The following SLC4A10 variants were observed in gnomAD, a reference collection of about 807,000 sequenced individuals.
SLC4A10 encodes sodium-driven chloride bicarbonate exchanger.
Under a neutral mutation model 137.7 loss-of-function variants are expected in SLC4A10, and 42 were observed. The ratio of observed to expected loss-of-function variants is 0.30; its 90% CI spans 0.24 to 0.39. SLC4A10 has a LOEUF of 0.39. SLC4A10 is among the 10% of genes least tolerant of loss of function. The pLI is 1.00. For synonymous variants in SLC4A10, 474 were observed against 464.1 expected, an observed-to-expected ratio of 1.02 and a Z score of -0.27; for missense variants, 925 against 1,355.0, an observed-to-expected ratio of 0.68 and a Z score of 4.98.
intron 2 of SLC4A10, among the ~76,000 whole-genome samples, chr2:161,771,916 C>A (rs2051664251): frequency 6.6e-6 from 1 of 151,754 alleles, no homozygotes; most frequent in African/African-American, 2.4e-5. Context: ...TCCCAATAAA[C>A]CACTGAGTTG....
intron 23 of SLC4A10, among the ~76,000 whole-genome samples, chr2:161,965,932 A>G (rs937199166): frequency 1.3e-5 from 2 of 152,216 alleles, no homozygotes; most frequent in African/African-American, 4.8e-5. Context: ...GATTGAGCCC[A>G]TACAATGTAA....
At chr2:161,851,370 C>A (rs2059822406) in intron 4 of SLC4A10, among the ~76,000 whole-genome samples, 1 of 152,132 alleles carries the variant, frequency 6.6e-6, no homozygotes, top group Non-Finnish European at 1.5e-5. Context: ...TCTCTAAGAA[C>A]TTGTTTTATG....
chr2:161,760,640 T>G (rs1442977217), intron 1 of SLC4A10, among the ~76,000 whole-genome samples: 1 of 152,058 alleles, frequency 6.6e-6, no homozygotes, highest in Non-Finnish European at 1.5e-5. Flanking sequence ...AAAGATTCAT[T>G]TATCTTTTAA....
chr2:161,852,905 T>C (rs905067966), intron 4 of SLC4A10, among the ~76,000 whole-genome samples: 4 of 152,216 alleles, frequency 2.6e-5, no homozygotes, highest in Non-Finnish European at 5.9e-5. Flanking sequence ...AAGACTTTCC[T>C]TTTATTACAT....
intron 3 of SLC4A10, among the ~76,000 whole-genome samples, chr2:161,814,185 A>G (rs956514037): frequency 6.6e-6 from 1 of 152,184 alleles, no homozygotes; most frequent in African/African-American, 2.4e-5. Flanking sequence ...AATGCTCAAT[A>G]TCACGAATCA....
intron 1 of SLC4A10, among the ~76,000 whole-genome samples, chr2:161,643,743 A>T (rs2035624483): frequency 6.6e-6 from 1 of 152,160 alleles, no homozygotes; most frequent in Admixed American, 6.5e-5. Flanking sequence ...AAATATGTCC[A>T]TGTTTTTATT....
chr2:161,859,594 C>CTT (rs72003642), intron 5 of SLC4A10, among the ~76,000 whole-genome samples: 659 of 47,264 alleles, frequency 0.014, 7 homozygotes, highest in Non-Finnish European at 0.016. Flanking sequence ...CTTTTCTTTT[C>CTT]TTTTTTTTTT....
chr2:161,767,131 ATATATATATG>A (rs1178194939), intron 1 of SLC4A10, among the ~76,000 whole-genome samples: 19 of 85,080 alleles, frequency 2.2e-4, no homozygotes, highest in African/African-American at 5.2e-4. Context: ...ATATATATAT[ATATATATATG>A]TGTGTGTGTG....
rs185370363 is a variant in SLC4A10 at position 161,828,429 on chromosome 2, A to G, written c.278-11360A>G. 2.9e-3 allele frequency among the ~76,000 whole-genome samples: 445 copies of G among 151,730 alleles called. 2 individuals are homozygous for G. The highest frequency in any genetic ancestry group is 0.01 in the African/African-American group (427 of 41,446). ...ATATTGACTGCTTCCAGTTTGGTCC[A>G]CACTAATTTCAACCAGTCATCAATT... On this transcript the variant is annotated intron_variant, in intron 3 of 26. Coordinates refer to ENST00000446997, the MANE Select transcript of SLC4A10 (RefSeq NM_001178015.2).
At position 161,904,830 on chromosome 2, in the gene SLC4A10, T is replaced by C; in HGVS notation, c.1672T>C (p.Phe558Leu). ...CATGACCGGGATAGCCTATTCTCTC[T>C]TTGGTGGACAGCCTCTTACCATATT... ...ASMTGIAYSL[F>L]GGQPLTILGS... The change falls in exon 14 of 27, where the codon TTT becomes CTT. Residue 558 changes from phenylalanine to leucine, a missense_variant. Phe to Leu is a conservative substitution (Grantham distance 22). Transcript: ENST00000446997. 1 of 1,614,004 alleles carries C rather than the reference T, an allele frequency of 6.2e-7. No homozygotes were observed. Among genetic ancestry groups the C allele is most frequent in the Non-Finnish European group, 8.5e-7 (1 of 1,179,864 alleles).
intron 15 of SLC4A10, among the ~76,000 whole-genome samples, chr2:161,920,854 C>A (rs1688001679): frequency 6.6e-6 from 1 of 152,226 alleles, no homozygotes; most frequent in African/African-American, 2.4e-5. Context: ...ATTCCTTCAA[C>A]ATCCATTGAT....
intron 1 of SLC4A10, among the ~76,000 whole-genome samples, chr2:161,644,255 G>GGGA (rs1436329983): frequency 1.3e-5 from 2 of 152,070 alleles, no homozygotes; most frequent in African/African-American, 4.8e-5. Context: ...CTAGCACTTT[G>GGGA]GGAGACTGAG....
intron 23 of SLC4A10, among the ~76,000 whole-genome samples, chr2:161,973,070 C>T (rs1053141778): frequency 2.0e-5 from 3 of 152,096 alleles, no homozygotes; most frequent in East Asian, 1.9e-4. Flanking sequence ...AAGGTGTTTC[C>T]GGAAGCTGGG....
At chr2:161,632,227 A>C (rs1314041439) in intron 1 of SLC4A10, among the ~76,000 whole-genome samples, 3 of 151,758 alleles carry the variant, frequency 2.0e-5, no homozygotes, top group African/African-American at 7.2e-5. Flanking sequence ...AAAAGTAGGT[A>C]TATAACAACT....
intron 19 of SLC4A10, among the ~76,000 whole-genome samples, chr2:161,952,502 G>A (rs1325938569): frequency 1.3e-5 from 2 of 152,080 alleles, no homozygotes; most frequent in African/African-American, 2.4e-5. Flanking sequence ...TAAACCTGAG[G>A]CTACATTACT....
At chr2:161,776,858 T>TGG (rs1415174409) in intron 2 of SLC4A10, among the ~76,000 whole-genome samples, 2 of 93,912 alleles carry the variant, frequency 2.1e-5, no homozygotes, top group Non-Finnish European at 4.0e-5. Flanking sequence ...TATTTTCTGG[T>TGG]GTGTGTGTGT....
At chr2:161,700,446 A>G (rs1262000116) in intron 1 of SLC4A10, among the ~76,000 whole-genome samples, 2 of 152,114 alleles carry the variant, frequency 1.3e-5, no homozygotes, top group East Asian at 1.9e-4. Flanking sequence ...AAGAAGAAGG[A>G]ACTGATCATC....
chr2:161,866,156 A>G (rs1425134036), intron 6 of SLC4A10, among the ~76,000 whole-genome samples: 1 of 152,070 alleles, frequency 6.6e-6, no homozygotes, highest in African/African-American at 2.4e-5. Context: ...GTCATATAGA[A>G]TAAAGTTTAT....
At chr2:161,970,012 A>G (rs1698245357) in intron 23 of SLC4A10, among the ~76,000 whole-genome samples, 1 of 152,154 alleles carries the variant, frequency 6.6e-6, no homozygotes, top group Non-Finnish European at 1.5e-5. Flanking sequence ...TAGAATGCAA[A>G]TTCTTGGGCC....
Sources: gnomAD v4.1 joint callset for allele counts (sites outside exome capture counted in the v4.1 genomes callset) on GRCh38, gnomAD v4.1.1 for gene constraint, MANE v1.5 for transcripts, NCBI Gene and HGNC (gene_info 2026-07-23, HGNC 2026-07-21) for gene names.